NAV2: variants seen among roughly 807,000 people sequenced by gnomAD.
NAV2 encodes neuron navigator 2, also known as helicase, APC down-regulated 1.
Under a neutral mutation model 223.2 loss-of-function variants are expected in NAV2, and 54 were observed. The ratio of observed to expected loss-of-function variants is 0.24; its 90% CI spans 0.19 to 0.30. The LOEUF is 0.30. NAV2 is among the 10% of genes least tolerant of loss of function. The probability of loss-of-function intolerance (pLI) is 1.00; values close to 1 mark genes in which losing one functional copy is unlikely to be tolerated. For synonymous variants in NAV2, 1,279 were observed against 1,239.3 expected (o/e 1.03, Z -0.67); for missense variants, 2,806 against 3,147.5 (o/e 0.89, Z 2.60).
At chr11:20,005,017 A>G (rs900129886) in intron 11 of NAV2, among the ~76,000 whole-genome samples, 4 of 152,024 alleles carry the variant, frequency 2.6e-5, no homozygotes, top group African/African-American at 9.7e-5. Flanking sequence ...CCAATAAACA[A>G]TAGCTATTAT....
Position 19,977,338 on chromosome 11 carries a change from G to A in NAV2, c.2646-6787G>A, listed in dbSNP as rs1042140637. Reference sequence around the variant, plus strand: ...ACCACAGGGAACCCCAACTGAGAAAGGCATTGTCACCTTGGGCTTTCTCTC... The same window carrying A: ...ACCACAGGGAACCCCAACTGAGAAAAGCATTGTCACCTTGGGCTTTCTCTC... On this transcript the variant is annotated intron_variant, in intron 10 of 37. Coordinates refer to ENST00000349880, the MANE Select transcript of NAV2 (RefSeq NM_145117.5). 4.6e-5 allele frequency among the ~76,000 whole-genome samples: 7 copies of A among 152,350 alleles called. No individual in the cohort carries two copies. In the East Asian group the frequency reaches 9.6e-4, roughly 21 times the overall value.
At chr11:19,711,761 T>G (rs971053122), upstream of NAV2, 3 of 152,254 alleles carry the variant, frequency 2.0e-5, no homozygotes, top group African/African-American at 7.2e-5. Context: ...CAGCTTTTAT[T>G]GGTCTCTTAC....
At chr11:19,409,191 T>C (rs1850036223) in intron 1 of NAV2, among the ~76,000 whole-genome samples, 1 of 152,138 alleles carries the variant, frequency 6.6e-6, no homozygotes. Flanking sequence ...AGAAAGATGG[T>C]GGATTTATTC....
chr11:19,713,817 T>C lies in NAV2; in HGVS notation c.122T>C (p.Leu41Ser), dbSNP rs1308607605. ...GGCCCCCAGCCCTGCTACCTGAAGTTGGGAAGCAAGGTGGAGGTGAGCAAG... is the reference window on the plus strand; with the variant it reads ...GGCCCCCAGCCCTGCTACCTGAAGTCGGGAAGCAAGGTGGAGGTGAGCAAG... The part of the protein sequence containing the change: ...RAGPQPCYLK[L>S]GSKVEVSKTT... Residue 41 changes from leucine (L) to serine (S), a missense_variant, in exon 1 of 38, where the codon TTG becomes TCG. Coordinates refer to ENST00000349880, the MANE Select transcript of NAV2 (RefSeq NM_145117.5). The surrounding 1 kb of genome is among the most constrained non-coding windows in gnomAD (Gnocchi z 7.2). The C allele has an allele frequency of 1.9e-6, 3 of 1,613,010 alleles. No individual in the cohort carries two copies. The highest frequency in any genetic ancestry group is 2.7e-5 in the African/African-American group (2 of 74,904).
At chr11:19,809,782 A>G (rs1425118345) in intron 1 of NAV2, among the ~76,000 whole-genome samples, 1 of 117,342 alleles carries the variant, frequency 8.5e-6, no homozygotes, top group Non-Finnish European at 2.2e-5. Flanking sequence ...AATGGACATC[A>G]TCGCTATTGC....
At chr11:20,015,075 A>G (rs1405166020) in intron 11 of NAV2, among the ~76,000 whole-genome samples, 1 of 152,238 alleles carries the variant, frequency 6.6e-6, no homozygotes, top group Non-Finnish European at 1.5e-5. Context: ...CTGCTGGGCA[A>G]TAGTGAAACA....
At chr11:19,393,706 A>C (rs1849331593) in intron 1 of NAV2, among the ~76,000 whole-genome samples, 2 of 152,212 alleles carry the variant, frequency 1.3e-5, no homozygotes, top group Admixed American at 1.3e-4. Flanking sequence ...AAGGAAAAAG[A>C]CAATGTAATT....
intron 1 of NAV2, among the ~76,000 whole-genome samples, chr11:19,623,699 G>T (rs1054486027): frequency 6.6e-6 from 1 of 152,154 alleles, no homozygotes; most frequent in Non-Finnish European, 1.5e-5. Context: ...GCTTCTTTGC[G>T]ATGGGTTCGA....
chr11:19,623,389 C>A (rs1262454678), intron 1 of NAV2, among the ~76,000 whole-genome samples: 2 of 152,220 alleles, frequency 1.3e-5, no homozygotes, highest in Non-Finnish European at 2.9e-5. Flanking sequence ...CTCCCCGTCA[C>A]TTTCAGGTAC....
chr11:19,831,717 G>C (rs1247883355), intron 1 of NAV2, among the ~76,000 whole-genome samples: 2 of 152,160 alleles, frequency 1.3e-5, no homozygotes, highest in Admixed American at 6.5e-5. Context: ...TGACCATTCT[G>C]TGACCAGGAA....
At chr11:20,027,320 G>A (rs2153547605) in intron 11 of NAV2, 3 of 985,474 alleles carry the variant, frequency 3.0e-6, no homozygotes, top group South Asian at 9.4e-5. Context: ...GGTTTCACGG[G>A]AACAATTGCC....
chr11:19,499,719 A>G (rs1354928820), intron 1 of NAV2, among the ~76,000 whole-genome samples: 1 of 152,180 alleles, frequency 6.6e-6, no homozygotes, highest in African/African-American at 2.4e-5. Context: ...TAAGGTTCAC[A>G]GCTATATCCT....
intron 1 of NAV2, among the ~76,000 whole-genome samples, chr11:19,715,389 T>C (rs1470083540): frequency 1.3e-5 from 2 of 152,186 alleles, no homozygotes; most frequent in African/African-American, 2.4e-5. Flanking sequence ...TCCAGTGGGC[T>C]CTGCCATGGG....
chr11:19,552,463 TG>T, intron 1 of NAV2, among the ~76,000 whole-genome samples: 1 of 152,138 alleles, frequency 6.6e-6, no homozygotes, highest in Non-Finnish European at 1.5e-5. Flanking sequence ...CTGGGCCCTG[TG>T]GCCACGGGCA....
intron 11 of NAV2, among the ~76,000 whole-genome samples, chr11:20,002,675 T>G (rs1301888815): frequency 6.6e-6 from 1 of 152,126 alleles, no homozygotes; most frequent in Non-Finnish European, 1.5e-5. Context: ...ATCCTATCGT[T>G]GAAGGCCAAC....
intron 1 of NAV2, among the ~76,000 whole-genome samples, chr11:19,547,479 C>T (rs187769392): frequency 2.6e-4 from 39 of 152,304 alleles, no homozygotes; most frequent in Middle Eastern, 6.8e-3. Flanking sequence ...CCCACCACTG[C>T]TCTTTTCCAT....
At chr11:19,588,620 T>C (rs557249954) in intron 1 of NAV2, among the ~76,000 whole-genome samples, 1 of 152,160 alleles carries the variant, frequency 6.6e-6, no homozygotes, top group Non-Finnish European at 1.5e-5. Context: ...ACAACTACCA[T>C]TGGAGACATA....
chr11:20,022,502 C>G, intron 11 of NAV2: 6 of 975,146 alleles, frequency 6.2e-6, no homozygotes, highest in Non-Finnish European at 7.3e-6. Context: ...TCGTTGTTAA[C>G]TGTACAAACA....
At chr11:19,976,793 G>T (rs1591503373) in intron 10 of NAV2, among the ~76,000 whole-genome samples, 1 of 152,346 alleles carries the variant, frequency 6.6e-6, no homozygotes, top group South Asian at 2.1e-4. Context: ...TTCTCCTGGG[G>T]GATGGCTCGT....
Sources: allele counts gnomAD v4.1 joint callset (sites outside exome capture counted in the v4.1 genomes callset), GRCh38; gene constraint gnomAD v4.1.1; non-coding constraint Gnocchi (gnomAD v3.1); transcripts MANE v1.5; gene names NCBI Gene and HGNC (gene_info 2026-07-23, HGNC 2026-07-21).